The following CKAP5 variants were observed in gnomAD, a reference collection of about 807,000 sequenced individuals.
The protein encoded by CKAP5 is cytoskeleton associated protein 5, also known as cytoskeleton-associated protein 5.
In CKAP5, 27 loss-of-function variants were observed where a neutral mutation model predicts 232.8. The ratio of observed to expected loss-of-function variants is 0.12; its 90% CI spans 0.09 to 0.16. The LOEUF is 0.16. Among genes scored for constraint, CKAP5 ranks in the 10% least tolerant of loss-of-function variants. The probability of loss-of-function intolerance (pLI) is 1.00; values close to 1 mark genes in which losing one functional copy is unlikely to be tolerated. For synonymous variants in CKAP5, 785 were observed against 841.1 expected (o/e 0.93, Z 1.16); for missense variants, 1,838 against 2,424.7 (o/e 0.76, Z 5.08).
intron 13 of CKAP5, among the ~76,000 whole-genome samples, chr11:46,795,324 T>A (rs540734602): frequency 6.9e-6 from 1 of 144,420 alleles, no homozygotes; most frequent in African/African-American, 2.5e-5. Context: ...CGAGACTCCA[T>A]CTCAAAAAAA....
At chr11:46,758,715 A>G (rs1592437375) in intron 35 of CKAP5, 2 of 22,406 alleles carry the variant, frequency 8.9e-5, no homozygotes, top group Non-Finnish European at 5.3e-4. Context: ...TCAAAAGAGG[A>G]AAAAAAAAAA....
intron 16 of CKAP5, among the ~76,000 whole-genome samples, chr11:46,786,533 G>C (rs1592457008): frequency 6.6e-6 from 1 of 152,206 alleles, no homozygotes; most frequent in Non-Finnish European, 1.5e-5. Flanking sequence ...CGAAAACAAT[G>C]AGTGGCAACT....
chr11:46,800,293 T>C lies in CKAP5; in HGVS notation c.1083+907A>G, dbSNP rs146631879. 4.5e-3 allele frequency among the ~76,000 whole-genome samples: 686 copies of C among 152,308 alleles called. 2 individuals carry two copies. The highest frequency in any genetic ancestry group is 0.016 in the African/African-American group (645 of 41,570). On this transcript the variant is annotated intron_variant, in intron 9 of 43. Transcript: ENST00000529230. ...TTTATTTTTATTTGGTAGTGTCTTC[T>C]TTTTCTTCAGTTAAGTTCTCTGAGA...
At chr11:46,781,970 C>T (rs975881016) in intron 18 of CKAP5, among the ~76,000 whole-genome samples, 1 of 152,036 alleles carries the variant, frequency 6.6e-6, no homozygotes, top group Admixed American at 6.6e-5. Context: ...GGATTACAGG[C>T]GTACACCACC....
chr11:46,819,641 T>C (rs887842892), intron 2 of CKAP5, among the ~76,000 whole-genome samples: 2 of 152,150 alleles, frequency 1.3e-5, no homozygotes, highest in African/African-American at 4.8e-5. Flanking sequence ...TTAATGTAAG[T>C]AAAAATGTAA....
At chr11:46,814,611 G>C (rs1344691680) in intron 4 of CKAP5, among the ~76,000 whole-genome samples, 1 of 152,142 alleles carries the variant, frequency 6.6e-6, no homozygotes, top group Admixed American at 6.5e-5. Flanking sequence ...TTGGGGACAG[G>C]ATACCAGATT....
chr11:46,758,175 A>G (rs2065125210), intron 35 of CKAP5, among the ~76,000 whole-genome samples: 1 of 152,138 alleles, frequency 6.6e-6, no homozygotes, highest in Non-Finnish European at 1.5e-5. Context: ...CTCAAATCTC[A>G]TTCTGTATCA....
chr11:46,844,269 T>C (rs964332767), intron 1 of CKAP5, among the ~76,000 whole-genome samples: 1 of 149,456 alleles, frequency 6.7e-6, no homozygotes, highest in African/African-American at 2.5e-5. Context: ...GGAATTAAGA[T>C]AAAAGTTTAC....
chr11:46,791,697 C>T (rs574169107), intron 13 of CKAP5, among the ~76,000 whole-genome samples: 1 of 152,144 alleles, frequency 6.6e-6, no homozygotes, highest in East Asian at 1.9e-4. Flanking sequence ...TCATTCCACT[C>T]CAGTTTTCAA....
intron 8 of CKAP5, among the ~76,000 whole-genome samples, chr11:46,804,862 T>TA (rs1939116891): frequency 6.6e-6 from 1 of 151,130 alleles, no homozygotes; most frequent in Admixed American, 6.6e-5. Flanking sequence ...TATATATATA[T>TA]AAAAAATCAA....
At chr11:46,796,544 A>C (rs559853375) in intron 12 of CKAP5, among the ~76,000 whole-genome samples, 1 of 152,334 alleles carries the variant, frequency 6.6e-6, no homozygotes, top group East Asian at 1.9e-4. Flanking sequence ...CTGAACTATC[A>C]GTGGAGGATG....
intron 8 of CKAP5, among the ~76,000 whole-genome samples, chr11:46,802,673 G>A (rs376181527): frequency 7.2e-5 from 11 of 151,982 alleles, no homozygotes; most frequent in African/African-American, 2.7e-4. Context: ...TCTTTTCCCA[G>A]TAAGAGTAAT....
chr11:46,840,701 C>G (rs763264410), intron 1 of CKAP5, among the ~76,000 whole-genome samples: 5 of 152,174 alleles, frequency 3.3e-5, no homozygotes, highest in African/African-American at 4.8e-5. Context: ...TCCCCTATAC[C>G]TCACCCTATA....
chr11:46,797,433 G>A (rs919047934), intron 11 of CKAP5, among the ~76,000 whole-genome samples: 2 of 151,586 alleles, frequency 1.3e-5, no homozygotes, highest in Admixed American at 6.6e-5. Context: ...GGAAACCCTT[G>A]GTAATCCATT....
chr11:46,823,398 T>C (rs1260418617), intron 1 of CKAP5, among the ~76,000 whole-genome samples: 1 of 152,208 alleles, frequency 6.6e-6, no homozygotes, highest in African/African-American at 2.4e-5. Flanking sequence ...TCCAGTTTTT[T>C]TTCAATACAC....
chr11:46,846,032 C>G (rs868404992), intron 1 of CKAP5, among the ~76,000 whole-genome samples, 188 bp downstream of exon 1: 6 of 151,854 alleles, frequency 4.0e-5, no homozygotes, highest in African/African-American at 1.4e-4. Context: ...CGCCCACGCC[C>G]CCGGCCCTGC....
chr11:46,782,281 T>C (rs1296279243), intron 18 of CKAP5, among the ~76,000 whole-genome samples: 1 of 152,188 alleles, frequency 6.6e-6, no homozygotes, highest in East Asian at 1.9e-4. Flanking sequence ...TGGAACATTG[T>C]AGTGGCCAAT....
At chr11:46,785,622 G>T (rs964313971) in intron 16 of CKAP5, among the ~76,000 whole-genome samples, 9 of 152,170 alleles carry the variant, frequency 5.9e-5, no homozygotes, top group African/African-American at 2.2e-4. Context: ...TTACAGGCGT[G>T]AGCCACTGTG....
rs143491393 is a variant in CKAP5 at position 46,743,875 on chromosome 11, T to C, written c.*148A>G. The C allele has an allele frequency of 8.6e-5, 81 of 938,892 alleles. No individual in the cohort carries two copies. Among genetic ancestry groups the C allele is most frequent in the Middle Eastern group, 3.4e-4 (1 of 2,942 alleles). 58.2% of individuals were successfully genotyped at this position (938,892 alleles called of 1,614,324 possible). ...AGAGAAGCAGAGTATGTACAAATACTTGTGCCACAATGACTCCTCCCCCTA... is the reference window on the plus strand; with the variant it reads ...AGAGAAGCAGAGTATGTACAAATACCTGTGCCACAATGACTCCTCCCCCTA... On this transcript the variant is annotated 3_prime_UTR_variant, in exon 44 of 44. Transcript: ENST00000529230.
Sources: gnomAD v4.1 joint callset for allele counts (sites outside exome capture counted in the v4.1 genomes callset) on GRCh38, gnomAD v4.1.1 for gene constraint, MANE v1.5 for transcripts, NCBI Gene and HGNC (gene_info 2026-07-23, HGNC 2026-07-21) for gene names.